CORIN: variants seen among roughly 807,000 people sequenced by gnomAD.
The protein encoded by CORIN is atrial natriuretic peptide-converting enzyme.
CORIN carries 117 observed loss-of-function variants against 125.3 expected under a neutral mutation model. That is an observed-to-expected ratio of 0.93 (90% CI 0.80 to 1.09). The LOEUF (loss-of-function observed/expected upper bound fraction) is 1.09. Ranked by LOEUF, CORIN falls within the 50% of genes least tolerant of loss-of-function variation. The pLI, the probability that CORIN is intolerant of heterozygous loss-of-function variation, is 0.00. For missense variants in CORIN, 1,253 were observed against 1,306.7 expected, an observed-to-expected ratio of 0.96 and a Z score of 0.63; for synonymous variants, 450 against 466.4, an observed-to-expected ratio of 0.96 and a Z score of 0.45.
At chr4:47,700,008 G>A (rs1291283444) in intron 5 of CORIN, among the ~76,000 whole-genome samples, 3 of 152,158 alleles carry the variant, frequency 2.0e-5, no homozygotes, top group Non-Finnish European at 2.9e-5. Flanking sequence ...ATGGATTAAA[G>A]GGGTGTATTC....
chr4:47,642,003 G>A lies in CORIN; in HGVS notation c.2115C>T (p.His705=). The change falls in exon 16 of 22, where the codon CAC becomes CAT. Residue 705 remains histidine (H), a synonymous_variant. Transcript: ENST00000273857. ...NVNSSSFLMV[H]RAATEHHVCA... The stretch of plus-strand genomic sequence containing the variant: ...ACACATGGTGTTCTGTGGCAGCTCT[G>A]TGAACCATCAGAAAGGAAGAGGAGT... 6.2e-7 allele frequency: 1 copy of A among 1,613,518 alleles called. No homozygotes were observed. Among genetic ancestry groups the A allele is most frequent in the Non-Finnish European group, 8.5e-7 (1 of 1,179,618 alleles).
intron 14 of CORIN, 106 bp downstream of exon 14, chr4:47,644,975 A>G (rs1404475028): frequency 3.3e-6 from 2 of 609,838 alleles, no homozygotes; most frequent in Non-Finnish European, 5.8e-6. Flanking sequence ...GAAAATACTA[A>G]AAGATTTGTA....
intron 5 of CORIN, among the ~76,000 whole-genome samples, chr4:47,719,443 T>G (rs1221596010): frequency 6.6e-6 from 1 of 152,246 alleles, no homozygotes. Context: ...AAGGACTGGA[T>G]GCTTTAAGCT....
intron 6 of CORIN, among the ~76,000 whole-genome samples, chr4:47,692,098 G>T (rs61434655): frequency 1.2e-3 from 185 of 151,132 alleles, no homozygotes; most frequent in African/African-American, 4.4e-3. Flanking sequence ...AGAATTTTTT[G>T]ATTAAGATCA....
At chr4:47,719,529 A>G (rs1727251950) in intron 5 of CORIN, among the ~76,000 whole-genome samples, 1 of 152,224 alleles carries the variant, frequency 6.6e-6, no homozygotes, top group South Asian at 2.1e-4. Flanking sequence ...CTTCTTATAA[A>G]TAAGAATATT....
At chr4:47,783,900 C>T (rs1158696919) in intron 3 of CORIN, among the ~76,000 whole-genome samples, 1 of 152,072 alleles carries the variant, frequency 6.6e-6, no homozygotes, top group Non-Finnish European at 1.5e-5. Flanking sequence ...TCTACTCTTT[C>T]TTCTCTCCCA....
chr4:47,634,213 G>C (rs1439873355), intron 16 of CORIN, among the ~76,000 whole-genome samples: 1 of 152,142 alleles, frequency 6.6e-6, no homozygotes, highest in Non-Finnish European at 1.5e-5. Flanking sequence ...AGGGCAAAGG[G>C]GATGGCAGCT....
At chr4:47,748,387 G>A (rs539118275) in intron 4 of CORIN, among the ~76,000 whole-genome samples, 9 of 152,320 alleles carry the variant, frequency 5.9e-5, no homozygotes, top group African/African-American at 2.2e-4. Context: ...ATTTTAGAAA[G>A]GGTGATTATT....
At chr4:47,629,168 T>C (rs1363782828) in intron 16 of CORIN, among the ~76,000 whole-genome samples, 1 of 152,192 alleles carries the variant, frequency 6.6e-6, no homozygotes. Context: ...CAAGAATATA[T>C]AGGGTTTCCC....
At chr4:47,774,087 TA>T (rs1730180250) in intron 3 of CORIN, among the ~76,000 whole-genome samples, 2 of 152,226 alleles carry the variant, frequency 1.3e-5, no homozygotes, top group South Asian at 4.1e-4. Flanking sequence ...AATTGTTCCT[TA>T]AAAGTGTGAT....
chr4:47,822,874 G>A (rs4695280), intron 1 of CORIN, among the ~76,000 whole-genome samples: 73,666 of 150,654 alleles, frequency 0.49, 19,969 homozygotes, highest in East Asian at 0.9. Flanking sequence ...GGAGTGCAGT[G>A]GTGCGATATC....
intron 1 of CORIN, among the ~76,000 whole-genome samples, chr4:47,832,642 T>G (rs1006365987): frequency 5.9e-5 from 9 of 152,062 alleles, no homozygotes; most frequent in African/African-American, 1.9e-4. Flanking sequence ...AGATGGTGTT[T>G]TGCCATGTTG....
At chr4:47,623,877 G>T in intron 18 of CORIN, 22 bp downstream of exon 18, 1 of 1,611,408 alleles carries the variant, frequency 6.2e-7, no homozygotes, top group Middle Eastern at 1.7e-4. Context: ...ATATCCCATT[G>T]CCACACCTCT....
intron 3 of CORIN, among the ~76,000 whole-genome samples, chr4:47,768,486 T>C (rs998288650): frequency 7.9e-5 from 12 of 152,222 alleles, no homozygotes; most frequent in Non-Finnish European, 4.4e-5. Context: ...AAAGCCAGCA[T>C]TGCCCTGATA....
intron 3 of CORIN, among the ~76,000 whole-genome samples, chr4:47,775,903 G>GT (rs937310209): frequency 2.0e-5 from 3 of 152,108 alleles, no homozygotes; most frequent in Non-Finnish European, 2.9e-5. Context: ...GTTTTTTGGG[G>GT]TTTTTTTGAG....
At chr4:47,663,123 T>C (rs1207885866) in intron 11 of CORIN, among the ~76,000 whole-genome samples, 1 of 152,200 alleles carries the variant, frequency 6.6e-6, no homozygotes, top group East Asian at 1.9e-4. Flanking sequence ...CCAATTTTTT[T>C]CTGTAAAATG....
intron 4 of CORIN, among the ~76,000 whole-genome samples, chr4:47,744,918 C>T (rs760044923): frequency 1.3e-5 from 2 of 152,138 alleles, no homozygotes; most frequent in Admixed American, 6.5e-5. Context: ...AACATGGAAA[C>T]GAAGGCCCTC....
chr4:47,683,938 T>A (rs1314261356), intron 6 of CORIN, 100 bp from the exon 7 acceptor site: 1 of 785,854 alleles, frequency 1.3e-6, no homozygotes, highest in Non-Finnish European at 2.0e-6. Context: ...GACACCCTAA[T>A]GGTAACCTGG....
At position 47,744,525 on chromosome 4, in the gene CORIN, CT is replaced by C; in HGVS notation, c.675del (p.Val226SerfsTer5). The C allele has an allele frequency of 6.2e-7, 1 of 1,613,528 alleles. No homozygotes were observed. Among genetic ancestry groups the C allele is most frequent in the Non-Finnish European group, 8.5e-7 (1 of 1,179,920 alleles). Reference protein sequence around the residue: ...FCEAAKEGCESVLGMVNYSWP... With the variant: ...FCEAAKEGCEXVLGMVNYSWP... ...CAGGAGTAATTCACCATCCCCAGGA[CT>C]GATTCACAGCCTTCTTTTGCAGCCT... On this transcript the variant is annotated frameshift_variant, in exon 5 of 22. Coordinates refer to ENST00000273857, the MANE Select transcript of CORIN (RefSeq NM_006587.4). LOFTEE classifies it high-confidence loss of function.
Sources: gnomAD v4.1 joint callset for allele counts (sites outside exome capture counted in the v4.1 genomes callset) on GRCh38, gnomAD v4.1.1 for gene constraint, MANE v1.5 for transcripts, NCBI Gene and HGNC (gene_info 2026-07-23, HGNC 2026-07-21) for gene names.